ARHGAP22: variants seen among roughly 807,000 people sequenced by gnomAD.
The protein encoded by ARHGAP22 is Rho GTPase activating protein 22.
ARHGAP22 carries 48 observed loss-of-function variants against 59.1 expected under a neutral mutation model. The observed-to-expected ratio is 0.81, with a 90% CI of 0.64 to 1.03. The LOEUF is 1.03. Ranked by LOEUF, ARHGAP22 falls within the 50% of genes least tolerant of loss-of-function variation. ARHGAP22 has a pLI of 0.00. For missense variants in ARHGAP22, 1,015 were observed against 958.7 expected, an observed-to-expected ratio of 1.06 and a Z score of -0.78; for synonymous variants, 445 against 416.4, an observed-to-expected ratio of 1.07 and a Z score of -0.84.
chr10:48,556,273 T>A (rs1392132193), intron 2 of ARHGAP22, among the ~76,000 whole-genome samples: 1 of 145,048 alleles, frequency 6.9e-6, no homozygotes, highest in African/African-American at 2.5e-5. Context: ...AGTTTCCACA[T>A]CTGCACAATG....
intron 1 of ARHGAP22, among the ~76,000 whole-genome samples, chr10:48,600,818 G>A (rs1055897621): frequency 3.2e-4 from 48 of 152,196 alleles, no homozygotes; most frequent in African/African-American, 1.2e-3. Context: ...TGTCACGGAA[G>A]GTTATCAGCT....
chr10:48,445,976 G>C (rs1392622477), downstream of ARHGAP22: 1 of 198,042 alleles, frequency 5.0e-6, no homozygotes, highest in Non-Finnish European at 1.0e-5. Flanking sequence ...AAACAGGAGT[G>C]GTCCTGTATT....
chr10:48,501,831 A>G (rs1357926808), intron 3 of ARHGAP22, among the ~76,000 whole-genome samples: 1 of 152,088 alleles, frequency 6.6e-6, no homozygotes, highest in East Asian at 1.9e-4. Flanking sequence ...ATATATACTC[A>G]GAGGTGCATA....
chr10:48,600,530 T>C (rs1779199220), intron 1 of ARHGAP22, among the ~76,000 whole-genome samples: 1 of 147,310 alleles, frequency 6.8e-6, no homozygotes, highest in Admixed American at 6.7e-5. Context: ...AAATAAACAA[T>C]GAAAATCCCA....
chr10:48,656,264 C>G (rs1395802173), upstream of ARHGAP22: 1 of 23,836 alleles, frequency 4.2e-5, no homozygotes, highest in African/African-American at 4.4e-4. Flanking sequence ...CTCGGCGCCT[C>G]TGGGGGGGGG....
At position 48,527,566 on chromosome 10, in the gene ARHGAP22, G is replaced by A. The variant is rs574697677; in HGVS notation, c.322+27897C>T. Among the ~76,000 whole-genome samples the A allele has an allele frequency of 2.0e-5, 3 of 152,268 alleles. No individual in the cohort carries two copies. In the South Asian group the frequency reaches 6.2e-4, roughly 32 times the overall value. ...ATGGTTGAATGGATGTGTTCCATAG[G>A]TGAACAGAAGGAAGGATGATGGATG... On this transcript the variant is annotated intron_variant, in intron 3 of 9. Transcript: ENST00000249601.
chr10:48,533,131 CATCAACAGCATT>C (rs2055016327), intron 3 of ARHGAP22, among the ~76,000 whole-genome samples: 1 of 151,232 alleles, frequency 6.6e-6, no homozygotes, highest in Non-Finnish European at 1.5e-5. Flanking sequence ...TACTGACCCT[CATCAACAGCATT>C]GCTGTTGCTA....
At chr10:48,640,835 T>C (rs1167824256) in intron 1 of ARHGAP22, among the ~76,000 whole-genome samples, 1 of 152,212 alleles carries the variant, frequency 6.6e-6, no homozygotes, top group Non-Finnish European at 1.5e-5. Context: ...GTCCCATAAA[T>C]TTATTTTTCC....
intron 1 of ARHGAP22, among the ~76,000 whole-genome samples, chr10:48,587,629 A>G (rs1238442474): frequency 2.6e-5 from 4 of 152,146 alleles, no homozygotes; most frequent in African/African-American, 9.7e-5. Context: ...GAGAATCTTC[A>G]AGGGCTATGG....
chr10:48,435,692 A>G, the ARHGAP22 span: 1 of 152,228 alleles, frequency 6.6e-6, no homozygotes, highest in African/African-American at 2.4e-5. Context: ...AACTCAGAGC[A>G]TGTCTTTGAA....
chr10:48,521,045 C>G (rs2053760642), intron 3 of ARHGAP22, among the ~76,000 whole-genome samples: 1 of 152,116 alleles, frequency 6.6e-6, no homozygotes, highest in Non-Finnish European at 1.5e-5. Context: ...GAAACATGCC[C>G]CAGAAACAAT....
chr10:48,437,253 G>T, the ARHGAP22 span: 3 of 152,116 alleles, frequency 2.0e-5, no homozygotes, highest in African/African-American at 7.2e-5. Context: ...CATGCCCTAG[G>T]TTTTAAATTA....
chr10:48,618,333 A>G (rs1401092571), intron 1 of ARHGAP22, among the ~76,000 whole-genome samples: 2 of 152,222 alleles, frequency 1.3e-5, no homozygotes, highest in East Asian at 1.9e-4. Context: ...AATTCTCCCA[A>G]ATTCATTCCA....
chr10:48,493,629 G>T (rs2134256117), intron 3 of ARHGAP22: 1 of 1,441,172 alleles, frequency 6.9e-7, no homozygotes, highest in East Asian at 2.6e-5. Context: ...TCTGCCTGTG[G>T]GCATCAGGCT....
rs2058588170 is a variant in ARHGAP22, at chr10:48,574,481, G to A, written c.234+8472C>T. On this transcript the variant is annotated intron_variant, in intron 2 of 9. Coordinates refer to ENST00000249601, the MANE Select transcript of ARHGAP22 (RefSeq NM_021226.4). Reference sequence around the variant, plus strand: ...AGTGACATCCTCTTGGCTGGTTTGAGTAACAATTTACAGCTTATGAAGGAT... The same window carrying A: ...AGTGACATCCTCTTGGCTGGTTTGAATAACAATTTACAGCTTATGAAGGAT... 3.9e-5 allele frequency among the ~76,000 whole-genome samples: 6 copies of A among 152,226 alleles called. No individual in the cohort carries two copies. In the South Asian group the frequency reaches 1.2e-3, roughly 31 times the overall value.
intron 3 of ARHGAP22, among the ~76,000 whole-genome samples, chr10:48,483,184 C>A (rs2049498103): frequency 6.6e-6 from 1 of 152,076 alleles, no homozygotes; most frequent in South Asian, 2.1e-4. Flanking sequence ...CACTGATGGA[C>A]ACGTAGGTTG....
At chr10:48,547,891 T>C (rs369416715) in intron 3 of ARHGAP22, among the ~76,000 whole-genome samples, 3 of 152,214 alleles carry the variant, frequency 2.0e-5, no homozygotes, top group Admixed American at 6.5e-5. Flanking sequence ...ATGGACCATC[T>C]GGAGCAGTGA....
chr10:48,474,089 A>T (rs1246998000), intron 4 of ARHGAP22, among the ~76,000 whole-genome samples: 8 of 152,152 alleles, frequency 5.3e-5, no homozygotes, highest in Admixed American at 2.6e-4. Flanking sequence ...TGAACATGGG[A>T]TGTCTTTCTT....
intron 2 of ARHGAP22, among the ~76,000 whole-genome samples, chr10:48,568,757 GC>G (rs2058212142): frequency 6.6e-6 from 1 of 152,208 alleles, no homozygotes; most frequent in African/African-American, 2.4e-5. Flanking sequence ...GGTAGGTGCT[GC>G]CTGGCCCCCA....
Sources: allele counts gnomAD v4.1 joint callset (sites outside exome capture counted in the v4.1 genomes callset), GRCh38; gene constraint gnomAD v4.1.1; transcripts MANE v1.5; gene names NCBI Gene and HGNC (gene_info 2026-07-23, HGNC 2026-07-21).